Variants in FOCAD observed in about 807,000 individuals in gnomAD.
The protein encoded by FOCAD is focadhesin, also known as KIAA1797.
A neutral mutation model predicts 225.6 loss-of-function variants in FOCAD; 198 were observed. That is an observed-to-expected ratio of 0.88 (90% CI 0.78 to 0.99). The LOEUF (loss-of-function observed/expected upper bound fraction) is 0.99. Among genes scored for constraint, FOCAD ranks in the 50% least tolerant of loss-of-function variants. The probability of loss-of-function intolerance (pLI) is 0.00; values close to 1 mark genes in which losing one functional copy is unlikely to be tolerated. For missense variants in FOCAD, 2,713 were observed against 2,123.6 expected (o/e 1.28, Z -5.46); for synonymous variants, 897 against 755.0 (o/e 1.19, Z -3.08).
chr9:20,977,100 C>T (rs1840294809), intron 36 of FOCAD, among the ~76,000 whole-genome samples: 1 of 152,162 alleles, frequency 6.6e-6, no homozygotes, highest in Non-Finnish European at 1.5e-5. Context: ...AAGCTGCCCA[C>T]ATTCTTTGAC....
intron 21 of FOCAD, among the ~76,000 whole-genome samples, chr9:20,893,292 TC>T (rs1160613459): frequency 5.3e-5 from 8 of 151,944 alleles, no homozygotes; most frequent in African/African-American, 1.9e-4. Flanking sequence ...AACTTTTATA[TC>T]CACTGGGAAA....
At chr9:20,694,462 A>G (rs1035778062) in intron 1 of FOCAD, 3 of 152,208 alleles carry the variant, frequency 2.0e-5, no homozygotes, top group African/African-American at 7.2e-5. Flanking sequence ...TACTCTCTAT[A>G]TGTCTCAGCC....
chr9:20,827,771 G>A (rs765875115), intron 15 of FOCAD, among the ~76,000 whole-genome samples: 4 of 152,060 alleles, frequency 2.6e-5, no homozygotes, highest in South Asian at 2.1e-4. Context: ...GGAGATGTAC[G>A]TTAAAGGATA....
intron 1 of FOCAD, among the ~76,000 whole-genome samples, chr9:20,704,158 G>A (rs1184184526): frequency 6.6e-6 from 1 of 152,214 alleles, no homozygotes; most frequent in African/African-American, 2.4e-5. Flanking sequence ...CATTTTCACT[G>A]TGGTTCTTCT....
chr9:20,895,480 T>G (rs1831998683), intron 21 of FOCAD, among the ~76,000 whole-genome samples: 1 of 151,848 alleles, frequency 6.6e-6, no homozygotes, highest in African/African-American at 2.4e-5. Context: ...ATTTCATTCA[T>G]TATTGATTTC....
intron 15 of FOCAD, among the ~76,000 whole-genome samples, chr9:20,857,873 T>A (rs1423681387): frequency 6.6e-6 from 1 of 151,654 alleles, no homozygotes; most frequent in Non-Finnish European, 1.5e-5. Context: ...TTGTCCTTCA[T>A]TCTGATATAA....
intron 6 of FOCAD, 104 bp from the exon 7 acceptor site, chr9:20,764,765 T>C (rs1305381117): frequency 1.2e-6 from 1 of 845,222 alleles, no homozygotes. Context: ...CTTGATGATA[T>C]GGTAGATTAT....
chr9:20,901,400 A>G (rs1231784896), intron 21 of FOCAD, among the ~76,000 whole-genome samples: 5 of 151,838 alleles, frequency 3.3e-5, no homozygotes, highest in Non-Finnish European at 7.4e-5. Flanking sequence ...TTACTTGTCA[A>G]TTTTTACATG....
At chr9:20,868,112 A>G (rs1327467654) in intron 18 of FOCAD, among the ~76,000 whole-genome samples, 1 of 152,126 alleles carries the variant, frequency 6.6e-6, no homozygotes, top group African/African-American at 2.4e-5. Flanking sequence ...TACAATTAAA[A>G]AAGATGGGAC....
chr9:20,915,990 A>G (rs1185925062), intron 23 of FOCAD, among the ~76,000 whole-genome samples: 2 of 152,206 alleles, frequency 1.3e-5, no homozygotes, highest in African/African-American at 4.8e-5. Context: ...TAAAAAATAC[A>G]AGATTGAGAT....
chr9:20,767,645 G>A (rs1361430992), intron 7 of FOCAD, among the ~76,000 whole-genome samples: 7 of 145,714 alleles, frequency 4.8e-5, no homozygotes, highest in African/African-American at 1.5e-4. Flanking sequence ...GTCTGTTCAT[G>A]TCCTTCGCCC....
At chr9:20,990,414 A>G in intron 42 of FOCAD, 40 bp downstream of exon 42, 1 of 1,605,294 alleles carries the variant, frequency 6.2e-7, no homozygotes, top group Non-Finnish European at 8.5e-7. Flanking sequence ...GCAGGCAGCC[A>G]TTGTCTCTTC....
chr9:20,714,932 G>A (rs1825211089), intron 1 of FOCAD, among the ~76,000 whole-genome samples: 1 of 152,142 alleles, frequency 6.6e-6, no homozygotes, highest in Non-Finnish European at 1.5e-5. Flanking sequence ...TTGTGCCAAA[G>A]TGAGGCATAG....
intron 15 of FOCAD, among the ~76,000 whole-genome samples, chr9:20,839,064 G>C (rs779035954): frequency 1.3e-5 from 2 of 151,946 alleles, no homozygotes; most frequent in Non-Finnish European, 2.9e-5. Flanking sequence ...CTCTCTGTTA[G>C]AATACAGCAT....
rs955841310 is a variant in FOCAD at position 20,785,703 on chromosome 9, CTGCTATAATCATTCA to C, written c.1198-3645_1198-3631del. ...TCTTTCCCACTTTTTGGCTATAATG[CTGCTATAATCATTCA>C]TGTATCAGTTTTTGTGTGGACAAAT... is the stretch of plus-strand genomic sequence containing the variant. On this transcript the variant is annotated intron_variant, in intron 10 of 43. Coordinates refer to ENST00000338382, the MANE Select transcript of FOCAD (RefSeq NM_001375567.1). Among the ~76,000 whole-genome samples the C allele has an allele frequency of 2.0e-5, 3 of 152,120 alleles. No individual in the cohort carries two copies. In the East Asian group the frequency reaches 5.8e-4, roughly 29 times the overall value.
intron 34 of FOCAD, among the ~76,000 whole-genome samples, chr9:20,952,135 C>T (rs1028977542): frequency 8.5e-5 from 13 of 152,186 alleles, no homozygotes; most frequent in Admixed American, 6.5e-4. Flanking sequence ...AGGGATCTCA[C>T]AGTGTCCTGG....
At chr9:20,891,215 C>A (rs1831585623) in intron 21 of FOCAD, among the ~76,000 whole-genome samples, 1 of 152,066 alleles carries the variant, frequency 6.6e-6, no homozygotes, top group African/African-American at 2.4e-5. Flanking sequence ...ACCAGATGTC[C>A]CCCCAATTGG....
intron 11 of FOCAD, among the ~76,000 whole-genome samples, chr9:20,797,445 A>G (rs1821245172): frequency 6.6e-6 from 1 of 152,168 alleles, no homozygotes; most frequent in African/African-American, 2.4e-5. Flanking sequence ...CTTCCTACCC[A>G]TGAGCATGGA....
rs541644934 is a variant in FOCAD, at chr9:20,860,644, C to T, written c.1921-1934C>T. 5.3e-5 allele frequency among the ~76,000 whole-genome samples: 8 copies of T among 152,100 alleles called. 1 individual carries two copies. Among genetic ancestry groups the T allele is most frequent in the African/African-American group, 9.6e-5 (4 of 41,506 alleles). On this transcript the variant is annotated intron_variant, in intron 15 of 43. Transcript: ENST00000338382. Reference sequence around the variant, plus strand: ...CTCCTGGTTTCAAGCGATTTTTGTGCGTGGCTGGGGCATATGCCTCCACGC... The same window carrying T: ...CTCCTGGTTTCAAGCGATTTTTGTGTGTGGCTGGGGCATATGCCTCCACGC...
Sources: gnomAD v4.1 joint callset for allele counts (sites outside exome capture counted in the v4.1 genomes callset) on GRCh38, gnomAD v4.1.1 for gene constraint, MANE v1.5 for transcripts, NCBI Gene and HGNC (gene_info 2026-07-23, HGNC 2026-07-21) for gene names.